Variants in BNC2 observed in about 807,000 individuals in gnomAD.
BNC2 encodes zinc finger protein basonuclin-2.
In BNC2, 20 loss-of-function variants were observed where a neutral mutation model predicts 76.3. The observed-to-expected ratio is 0.26, with a 90% confidence interval of 0.18 to 0.38. BNC2 has a LOEUF of 0.38. Ranked by LOEUF, BNC2 falls within the 10% of genes least tolerant of loss-of-function variation. The probability of loss-of-function intolerance (pLI) is 1.00; values close to 1 mark genes in which losing one functional copy is unlikely to be tolerated. For synonymous variants in BNC2, 582 were observed against 514.8 expected (o/e 1.13, Z -1.77); for missense variants, 1,382 against 1,399.8 (o/e 0.99, Z 0.20).
chr9:16,575,182 A>G (rs1267362453), intron 4 of BNC2: 3 of 790,096 alleles, frequency 3.8e-6, no homozygotes, highest in East Asian at 2.5e-4. Context: ...TTCTACCTAC[A>G]GTAGGTGACA....
At chr9:16,717,303 G>A (rs918909253) in intron 3 of BNC2, among the ~76,000 whole-genome samples, 1 of 152,132 alleles carries the variant, frequency 6.6e-6, no homozygotes. Flanking sequence ...TGTAATCCAA[G>A]ACTAAACTTA....
intron 5 of BNC2, among the ~76,000 whole-genome samples, chr9:16,504,687 G>A (rs1363956391): frequency 2.0e-5 from 3 of 152,086 alleles, no homozygotes. Flanking sequence ...TAACAAATTA[G>A]AACTGTGGAA....
intron 4 of BNC2, among the ~76,000 whole-genome samples, chr9:16,571,162 A>C (rs906631301): frequency 1.3e-5 from 2 of 152,176 alleles, no homozygotes; most frequent in Non-Finnish European, 2.9e-5. Context: ...GTGATCTCCT[A>C]ATTTACAGCT....
At chr9:16,701,101 T>C (rs1823498684) in intron 3 of BNC2, among the ~76,000 whole-genome samples, 1 of 152,130 alleles carries the variant, frequency 6.6e-6, no homozygotes, top group South Asian at 2.1e-4. Context: ...AGGCTAAGGC[T>C]TTCTCATCAA....
At chr9:16,472,628 G>C (rs1159727218) in intron 5 of BNC2, among the ~76,000 whole-genome samples, 1 of 152,104 alleles carries the variant, frequency 6.6e-6, no homozygotes, top group Non-Finnish European at 1.5e-5. Flanking sequence ...TAAAATCCAA[G>C]AATGGTCCAC....
intron 5 of BNC2, among the ~76,000 whole-genome samples, chr9:16,522,949 G>A (rs1817667137): frequency 6.6e-6 from 1 of 152,084 alleles, no homozygotes; most frequent in Non-Finnish European, 1.5e-5. Flanking sequence ...GCCAGTCTAA[G>A]CCTCATAAAG....
intron 3 of BNC2, among the ~76,000 whole-genome samples, chr9:16,678,120 A>AG (rs1352742875): frequency 6.6e-6 from 1 of 152,064 alleles, no homozygotes; most frequent in Non-Finnish European, 1.5e-5. Context: ...GGAAGAAAAA[A>AG]GGCAGCAGGT....
intron 5 of BNC2, among the ~76,000 whole-genome samples, chr9:16,511,472 G>A (rs1211393615): frequency 7.4e-6 from 1 of 135,760 alleles, no homozygotes; most frequent in Non-Finnish European, 1.5e-5. Flanking sequence ...TTGTCACCCA[G>A]GCTGGACTGC....
intron 1 of BNC2, among the ~76,000 whole-genome samples, chr9:16,753,671 A>G (rs1015377997): frequency 1.3e-5 from 2 of 152,208 alleles, no homozygotes; most frequent in African/African-American, 2.4e-5. Flanking sequence ...TTAGACAATA[A>G]AAGCATATTC....
intron 5 of BNC2, among the ~76,000 whole-genome samples, chr9:16,494,362 G>T (rs750387074): frequency 6.6e-6 from 1 of 151,910 alleles, no homozygotes; most frequent in Non-Finnish European, 1.5e-5. Context: ...CATGTTGGCC[G>T]GGGTGGTCTC....
chr9:16,752,964 A>C (rs1280926787), intron 1 of BNC2, among the ~76,000 whole-genome samples: 3 of 152,216 alleles, frequency 2.0e-5, no homozygotes, highest in African/African-American at 7.2e-5. Flanking sequence ...AACTTACAGA[A>C]CTGCACAGAG....
At chr9:16,677,109 G>A (rs1172464590) in intron 3 of BNC2, among the ~76,000 whole-genome samples, 1 of 151,912 alleles carries the variant, frequency 6.6e-6, no homozygotes, top group East Asian at 1.9e-4. Context: ...TATGTGCTTG[G>A]CCACCACAAG....
chr9:16,678,364 T>C (rs542883203), intron 3 of BNC2, among the ~76,000 whole-genome samples: 17 of 140,000 alleles, frequency 1.2e-4, no homozygotes, highest in African/African-American at 2.4e-4. Flanking sequence ...CTGCAGCCTC[T>C]GCCTCCCAAT....
At chr9:16,866,501 T>A (rs181986179) in intron 1 of BNC2, among the ~76,000 whole-genome samples, 22 of 152,006 alleles carry the variant, frequency 1.4e-4, no homozygotes, top group African/African-American at 4.3e-4. Context: ...CTCCCTCAGT[T>A]GACAAAAACT....
chr9:16,468,109 T>C (rs1821734526), intron 5 of BNC2, among the ~76,000 whole-genome samples: 2 of 146,808 alleles, frequency 1.4e-5, no homozygotes. Flanking sequence ...GGCACCAACA[T>C]GGCTCACTGC....
At chr9:16,717,993 C>T (rs1331839906) in intron 3 of BNC2, among the ~76,000 whole-genome samples, 2 of 152,108 alleles carry the variant, frequency 1.3e-5, no homozygotes, top group African/African-American at 4.8e-5. Flanking sequence ...ATATAATGAA[C>T]ACCCAAGCTT....
At chr9:16,622,666 A>C (rs1587245323) in intron 3 of BNC2, among the ~76,000 whole-genome samples, 1 of 152,180 alleles carries the variant, frequency 6.6e-6, no homozygotes, top group East Asian at 1.9e-4. Flanking sequence ...AGATTGCATC[A>C]GTTATACCTA....
chr9:16,682,960 A>C (rs1422086349), intron 3 of BNC2, among the ~76,000 whole-genome samples: 1 of 152,210 alleles, frequency 6.6e-6, no homozygotes, highest in South Asian at 2.1e-4. Flanking sequence ...TAAGAGTGGG[A>C]TTCTTTGCTG....
At chr9:16,773,459 A>G (rs1825881165) in intron 1 of BNC2, among the ~76,000 whole-genome samples, 1 of 150,898 alleles carries the variant, frequency 6.6e-6, no homozygotes, top group Non-Finnish European at 1.5e-5. Context: ...CGTTCTGTTG[A>G]GATTTTTCTC....
Sources: gnomAD v4.1 joint callset for allele counts (sites outside exome capture counted in the v4.1 genomes callset) on GRCh38, gnomAD v4.1.1 for gene constraint, MANE v1.5 for transcripts, NCBI Gene and HGNC (gene_info 2026-07-23, HGNC 2026-07-21) for gene names.